SLC39A11: variants seen among roughly 807,000 people sequenced by gnomAD.
The protein encoded by SLC39A11 is zinc transporter ZIP11.
A neutral mutation model predicts 36.1 loss-of-function variants in SLC39A11; 33 were observed. The ratio of observed to expected loss-of-function variants is 0.91; its 90% CI spans 0.69 to 1.22. SLC39A11 has a LOEUF of 1.22. SLC39A11 is among the 50% of genes most tolerant of loss of function. The probability of loss-of-function intolerance (pLI) is 0.00; values close to 1 mark genes in which losing one functional copy is unlikely to be tolerated. For synonymous variants in SLC39A11, 166 were observed against 170.3 expected (o/e 0.97, Z 0.20); for missense variants, 432 against 430.3 (o/e 1.00, Z -0.03).
chr17:72,758,075 G>A (rs1452433533), intron 6 of SLC39A11, among the ~76,000 whole-genome samples: 4 of 151,986 alleles, frequency 2.6e-5, no homozygotes, highest in Admixed American at 6.6e-5. Flanking sequence ...TAGTAGAGAC[G>A]GGGTTTCACC....
At chr17:72,710,398 G>A (rs1217060710) in intron 7 of SLC39A11, among the ~76,000 whole-genome samples, 1 of 152,180 alleles carries the variant, frequency 6.6e-6, no homozygotes, top group African/African-American at 2.4e-5. Flanking sequence ...TTAAGAGGTG[G>A]GGCTTTTGGG....
At chr17:72,681,359 A>T (rs2071501060) in intron 7 of SLC39A11, among the ~76,000 whole-genome samples, 1 of 152,182 alleles carries the variant, frequency 6.6e-6, no homozygotes, top group African/African-American at 2.4e-5. Context: ...GTAAGTGAGG[A>T]GCTGCATGAT....
chr17:73,009,710 T>C (rs1306496271), intron 4 of SLC39A11, among the ~76,000 whole-genome samples: 1 of 152,202 alleles, frequency 6.6e-6, no homozygotes, highest in Non-Finnish European at 1.5e-5. Flanking sequence ...TTGTTAATTT[T>C]ATGCTATGTG....
intron 6 of SLC39A11, among the ~76,000 whole-genome samples, chr17:72,822,625 C>T (rs1193278011): frequency 2.0e-5 from 3 of 151,192 alleles, no homozygotes; most frequent in Admixed American, 1.3e-4. Context: ...GCGTTCTCAC[C>T]AGGGAGAGAA....
At chr17:72,989,029 G>A (rs1295126996) in intron 4 of SLC39A11, among the ~76,000 whole-genome samples, 3 of 152,154 alleles carry the variant, frequency 2.0e-5, no homozygotes, top group South Asian at 2.1e-4. Context: ...TGGCCACCAC[G>A]ATAAGACCTC....
At chr17:72,952,708 TTCTATCCATA>T (rs2085954470) in intron 4 of SLC39A11, among the ~76,000 whole-genome samples, 1 of 152,216 alleles carries the variant, frequency 6.6e-6, no homozygotes, top group South Asian at 2.1e-4. Context: ...TGCAATGCCT[TTCTATCCATA>T]TTACCTCACT....
At chr17:72,673,194 A>G (rs2071094534) in intron 7 of SLC39A11, among the ~76,000 whole-genome samples, 1 of 151,792 alleles carries the variant, frequency 6.6e-6, no homozygotes, top group Admixed American at 6.6e-5. Flanking sequence ...TGCAACCTCC[A>G]GCTCCTGGGT....
At chr17:72,882,850 G>C (rs2081270956) in intron 5 of SLC39A11, among the ~76,000 whole-genome samples, 1 of 132,294 alleles carries the variant, frequency 7.6e-6, no homozygotes, top group African/African-American at 3.1e-5. Context: ...AGGTTGGAGT[G>C]CAATGGCGCG....
intron 7 of SLC39A11, among the ~76,000 whole-genome samples, chr17:72,656,415 G>A (rs1221292299): frequency 1.3e-5 from 2 of 152,148 alleles, no homozygotes; most frequent in African/African-American, 4.8e-5. Context: ...TGTCACCGGA[G>A]CCTGACTGAG....
chr17:72,732,919 G>A (rs2074288295), intron 7 of SLC39A11, among the ~76,000 whole-genome samples: 1 of 152,150 alleles, frequency 6.6e-6, no homozygotes. Flanking sequence ...TTCCTATCCT[G>A]CACATCATTT....
At chr17:73,059,126 C>T (rs1357948115) in intron 3 of SLC39A11, among the ~76,000 whole-genome samples, 2 of 152,110 alleles carry the variant, frequency 1.3e-5, no homozygotes, top group Admixed American at 1.3e-4. Context: ...AACTGCTAAA[C>T]ATAAGTTTCA....
chr17:72,666,190 A>G (rs952897786), intron 7 of SLC39A11, among the ~76,000 whole-genome samples: 1 of 152,178 alleles, frequency 6.6e-6, no homozygotes, highest in East Asian at 1.9e-4. Context: ...CAACGAGGGT[A>G]TTGTGGGTTC....
chr17:72,654,179 AC>A (rs1052259494), intron 7 of SLC39A11, among the ~76,000 whole-genome samples: 2 of 152,084 alleles, frequency 1.3e-5, no homozygotes, highest in African/African-American at 4.8e-5. Flanking sequence ...TCTCTTCCTC[AC>A]CTTGAAAGGT....
intron 4 of SLC39A11, among the ~76,000 whole-genome samples, chr17:72,973,292 C>T (rs1156619276): frequency 7.1e-6 from 1 of 140,598 alleles, no homozygotes; most frequent in Non-Finnish European, 1.6e-5. Context: ...AGCCATCCAG[C>T]GGGTACAGTG....
intron 6 of SLC39A11, among the ~76,000 whole-genome samples, chr17:72,740,509 C>A (rs1184163996): frequency 1.3e-5 from 2 of 152,134 alleles, no homozygotes; most frequent in African/African-American, 4.8e-5. Flanking sequence ...CAGCTGCAGA[C>A]CTCAAACTAT....
intron 7 of SLC39A11, among the ~76,000 whole-genome samples, chr17:72,729,391 C>T (rs1156605271): frequency 8.9e-6 from 1 of 112,892 alleles, no homozygotes; most frequent in Non-Finnish European, 1.8e-5. Context: ...GTGCATGCCA[C>T]CCCACCTGGC....
At chr17:73,011,411 G>A (rs533656525) in intron 4 of SLC39A11, among the ~76,000 whole-genome samples, 1 of 152,230 alleles carries the variant, frequency 6.6e-6, no homozygotes, top group South Asian at 2.1e-4. Context: ...GAAGGTAGAG[G>A]AGCCCTTGAA....
intron 6 of SLC39A11, among the ~76,000 whole-genome samples, chr17:72,792,374 G>C (rs572051543): frequency 6.6e-6 from 1 of 152,310 alleles, no homozygotes; most frequent in East Asian, 1.9e-4. Flanking sequence ...GTTGAGGACT[G>C]GGCTGGGTGC....
At chr17:72,984,618 T>A (rs1223352415) in intron 4 of SLC39A11, among the ~76,000 whole-genome samples, 1 of 152,156 alleles carries the variant, frequency 6.6e-6, no homozygotes, top group Non-Finnish European at 1.5e-5. Context: ...AGGCCTCTGG[T>A]GGGCCCAGCA....
Sources: gnomAD v4.1 joint callset for allele counts (sites outside exome capture counted in the v4.1 genomes callset) on GRCh38, gnomAD v4.1.1 for gene constraint, MANE v1.5 for transcripts, NCBI Gene and HGNC (gene_info 2026-07-23, HGNC 2026-07-21) for gene names.